MLLT3: variants seen among roughly 807,000 people sequenced by gnomAD.
The protein encoded by MLLT3 is protein AF-9.
MLLT3 carries 4 observed loss-of-function variants against 53.2 expected under a neutral mutation model. The observed-to-expected ratio is 0.08, with a 90% CI of 0.04 to 0.17. MLLT3 has a LOEUF of 0.17. MLLT3 is among the 10% of genes least tolerant of loss of function. The probability of loss-of-function intolerance (pLI) is 1.00; values close to 1 mark genes in which losing one functional copy is unlikely to be tolerated. For synonymous variants in MLLT3, 283 were observed against 230.6 expected (o/e 1.23, Z -2.06); for missense variants, 569 against 684.0 (o/e 0.83, Z 1.87).
At chr9:20,481,463 C>A (rs1824659866) in intron 2 of MLLT3, among the ~76,000 whole-genome samples, 1 of 152,164 alleles carries the variant, frequency 6.6e-6, no homozygotes, top group Admixed American at 6.5e-5. Context: ...GCAAGTCCCA[C>A]ACCCCAACAT....
chr9:20,614,176 C>T (rs1820767293), intron 2 of MLLT3, among the ~76,000 whole-genome samples: 1 of 152,194 alleles, frequency 6.6e-6, no homozygotes, highest in Non-Finnish European at 1.5e-5. Flanking sequence ...GGGAGGATCA[C>T]CTGAGGTCAG....
intron 6 of MLLT3, 100 bp from the exon 7 acceptor site, chr9:20,363,705 A>G (rs1821382268): frequency 3.8e-6 from 4 of 1,064,160 alleles, no homozygotes; most frequent in Non-Finnish European, 5.2e-6. Context: ...AACACTGGTT[A>G]AAAATAATCA....
chr9:20,588,942 C>T (rs1820052496), intron 2 of MLLT3, among the ~76,000 whole-genome samples: 1 of 151,066 alleles, frequency 6.6e-6, no homozygotes, highest in South Asian at 2.1e-4. Context: ...ACAACAGGTG[C>T]TGAAGAGCAT....
intron 2 of MLLT3, among the ~76,000 whole-genome samples, chr9:20,501,744 C>T (rs1408612425): frequency 5.0e-5 from 6 of 120,162 alleles, no homozygotes; most frequent in East Asian, 2.5e-4. Flanking sequence ...GGCGACAGAG[C>T]GAGACTCCGT....
chr9:20,453,800 A>G (rs935820101), intron 3 of MLLT3, among the ~76,000 whole-genome samples: 2 of 152,198 alleles, frequency 1.3e-5, no homozygotes, highest in African/African-American at 2.4e-5. Flanking sequence ...TCATGTTGCC[A>G]CATTAAGTAC....
intron 10 of MLLT3, among the ~76,000 whole-genome samples, chr9:20,350,332 A>C (rs1820979239): frequency 6.6e-6 from 1 of 152,106 alleles, no homozygotes. Context: ...GCGGTGGCTC[A>C]CGCCTGTAAT....
intron 8 of MLLT3, among the ~76,000 whole-genome samples, chr9:20,355,660 A>G (rs1048892556): frequency 2.0e-5 from 3 of 152,238 alleles, no homozygotes; most frequent in African/African-American, 7.2e-5. Flanking sequence ...CTCACTTGAA[A>G]AAGCTTGAAA....
At chr9:20,504,040 A>T (rs1396096850) in intron 2 of MLLT3, among the ~76,000 whole-genome samples, 1 of 152,178 alleles carries the variant, frequency 6.6e-6, no homozygotes, top group Non-Finnish European at 1.5e-5. Context: ...ATTATCGAAA[A>T]GATGAAGATA....
intron 2 of MLLT3, among the ~76,000 whole-genome samples, chr9:20,526,382 AG>A (rs770059721): frequency 6.6e-6 from 1 of 152,186 alleles, no homozygotes; most frequent in Non-Finnish European, 1.5e-5. Flanking sequence ...ACCTGCCAAA[AG>A]GTAGTACCAT....
intron 2 of MLLT3, among the ~76,000 whole-genome samples, chr9:20,529,771 T>A (rs989707930): frequency 1.4e-5 from 2 of 146,478 alleles, no homozygotes; most frequent in Non-Finnish European, 3.0e-5. Flanking sequence ...GTTCTCACTG[T>A]GTTGCCCAGG....
chr9:20,619,689 G>C (rs1305485144), intron 2 of MLLT3, among the ~76,000 whole-genome samples: 1 of 152,166 alleles, frequency 6.6e-6, no homozygotes, highest in Non-Finnish European at 1.5e-5. Flanking sequence ...CCAGACATTA[G>C]TTTTCCAGAG....
intron 2 of MLLT3, among the ~76,000 whole-genome samples, chr9:20,497,620 T>C (rs1010011521): frequency 6.6e-6 from 1 of 152,206 alleles, no homozygotes; most frequent in African/African-American, 2.4e-5. Context: ...ACCCATGGTG[T>C]TGGGTATCAA....
intron 10 of MLLT3, among the ~76,000 whole-genome samples, chr9:20,348,790 A>G (rs1820940072): frequency 6.6e-6 from 1 of 152,248 alleles, no homozygotes; most frequent in South Asian, 2.1e-4. Context: ...TTTATTAGTT[A>G]TTAGTAACAG....
chr9:20,484,253 T>C (rs2118910345), intron 2 of MLLT3, among the ~76,000 whole-genome samples: 1 of 152,260 alleles, frequency 6.6e-6, no homozygotes. Flanking sequence ...TATCACTATA[T>C]TTTCCATTTA....
intron 5 of MLLT3, among the ~76,000 whole-genome samples, chr9:20,380,805 T>A (rs1002307895): frequency 1.3e-5 from 2 of 152,038 alleles, no homozygotes; most frequent in African/African-American, 4.8e-5. Context: ...GAGTACATTC[T>A]CTTTTCTAGC....
chr9:20,542,529 C>T (rs544206994), intron 2 of MLLT3, among the ~76,000 whole-genome samples: 378 of 152,248 alleles, frequency 2.5e-3, no homozygotes, highest in Non-Finnish European at 2.8e-3. Context: ...GGATTACAGG[C>T]GTGAGCCAGA....
chr9:20,433,842 T>C (rs1048433264), intron 4 of MLLT3, among the ~76,000 whole-genome samples: 1 of 151,834 alleles, frequency 6.6e-6, no homozygotes, highest in Admixed American at 6.6e-5. Flanking sequence ...GGGCCAGGCA[T>C]GGTGGCTCAC....
chr9:20,407,958 T>C (rs1822626400), intron 5 of MLLT3, among the ~76,000 whole-genome samples: 1 of 152,128 alleles, frequency 6.6e-6, no homozygotes, highest in African/African-American at 2.4e-5. Context: ...TGTCTAAAGA[T>C]GACAAATGGG....
intron 2 of MLLT3, among the ~76,000 whole-genome samples, chr9:20,554,015 T>C (rs1293369569): frequency 6.6e-6 from 1 of 152,198 alleles, no homozygotes; most frequent in Non-Finnish European, 1.5e-5. Context: ...CAGCTTTTCA[T>C]ACCCTTGATA....
Sources: allele counts gnomAD v4.1 joint callset (sites outside exome capture counted in the v4.1 genomes callset), GRCh38; gene constraint gnomAD v4.1.1; transcripts MANE v1.5; gene names NCBI Gene and HGNC (gene_info 2026-07-23, HGNC 2026-07-21).